The following FOXP4 variants were observed in gnomAD, a reference collection of about 807,000 sequenced individuals.
The protein encoded by FOXP4 is forkhead box P4.
Under a neutral mutation model 82.6 loss-of-function variants are expected in FOXP4, and 25 were observed. That is an observed-to-expected ratio of 0.30 (90% CI 0.22 to 0.42). The LOEUF (loss-of-function observed/expected upper bound fraction) is 0.42, where lower values mean the gene tolerates loss of function less well. FOXP4 is among the 10% of genes least tolerant of loss of function. The pLI, the probability that FOXP4 is intolerant of heterozygous loss-of-function variation, is 1.00. For synonymous variants in FOXP4, 415 were observed against 388.2 expected (o/e 1.07, Z -0.81); for missense variants, 785 against 900.9 (o/e 0.87, Z 1.65).
chr6:41,557,638 A>C (rs1764349036), intron 1 of FOXP4, among the ~76,000 whole-genome samples: 1 of 152,238 alleles, frequency 6.6e-6, no homozygotes, highest in Admixed American at 6.5e-5. Context: ...GAAAAAGACG[A>C]AAATTGAAAC....
chr6:41,584,684 C>T, intron 3 of FOXP4, 85 bp from the exon 4 acceptor site: 1 of 1,451,058 alleles, frequency 6.9e-7, no homozygotes, highest in Non-Finnish European at 9.2e-7. Context: ...GGGAGCCACT[C>T]TGCCACGCTG....
chr6:41,552,515 G>A (rs941841422), intron 1 of FOXP4, among the ~76,000 whole-genome samples: 2 of 152,192 alleles, frequency 1.3e-5, no homozygotes, highest in Non-Finnish European at 2.9e-5. Flanking sequence ...GAGAGCCAGA[G>A]CTACCTGTTT....
At chr6:41,585,057 AGGCATCTCTTATGGT>A (rs1404674385) in intron 4 of FOXP4, among the ~76,000 whole-genome samples, 166 bp downstream of exon 4, 1 of 152,134 alleles carries the variant, frequency 6.6e-6, no homozygotes, top group Non-Finnish European at 1.5e-5. Context: ...GTCAAAGGTC[AGGCATCTCTTATGGT>A]GGCCCTGCCC....
rs760306722 is a variant in FOXP4, at chr6:41,590,187, G to C, written c.1357+17G>C. ...TCTCCTCAGGTGAGGGTGGGCTGGG[G>C]GCTGCAGGGCGACAGCAGCGTGAGG... On this transcript the variant is annotated intron_variant, in intron 11 of 16. Transcript: ENST00000307972. The C allele has an allele frequency of 6.2e-7, 1 of 1,604,932 alleles. No individual in the cohort carries two copies. The highest frequency in any genetic ancestry group is 1.3e-5 in the African/African-American group (1 of 74,806).
intron 1 of FOXP4, among the ~76,000 whole-genome samples, chr6:41,562,803 GC>G (rs879811913): frequency 2.0e-5 from 3 of 152,150 alleles, no homozygotes; most frequent in Admixed American, 6.5e-5. Flanking sequence ...TGGGGGAGAG[GC>G]CCCCCTCCCT....
intron 2 of FOXP4, among the ~76,000 whole-genome samples, chr6:41,566,936 G>T (rs1764916765): frequency 6.6e-6 from 1 of 152,154 alleles, no homozygotes; most frequent in South Asian, 2.1e-4. Flanking sequence ...CTCCTCCATG[G>T]CCCTGCTGTC....
intron 2 of FOXP4, chr6:41,570,281 G>T (rs1487316905): frequency 2.1e-6 from 1 of 468,926 alleles, no homozygotes; most frequent in Non-Finnish European, 4.4e-6. Context: ...CCATGGCATG[G>T]AGGGAGAGTT....
intron 2 of FOXP4, among the ~76,000 whole-genome samples, chr6:41,575,585 G>A (rs1765435568): frequency 6.6e-6 from 1 of 152,094 alleles, no homozygotes; most frequent in Admixed American, 6.5e-5. Context: ...GGAGGGGGAG[G>A]TCTCAGGAAT....
intron 2 of FOXP4, among the ~76,000 whole-genome samples, chr6:41,574,157 GTCT>G (rs1442439370): frequency 6.6e-6 from 1 of 152,074 alleles, no homozygotes; most frequent in Non-Finnish European, 1.5e-5. Context: ...TCCTTTCTTG[GTCT>G]TCTTCCTCCA....
intron 2 of FOXP4, among the ~76,000 whole-genome samples, chr6:41,566,418 C>T (rs1764884923): frequency 6.6e-6 from 1 of 152,182 alleles, no homozygotes; most frequent in Non-Finnish European, 1.5e-5. Flanking sequence ...TCCGAGTCAG[C>T]TTGGGCCTCC....
rs992945050 is a variant in FOXP4 at position 41,597,071 on chromosome 6, A to G, written c.1659-105A>G. ...CCGCCCTGGCCTCCCGGAATAGGGA[A>G]TGGGACCCATTCCCAGCACAGGCCG... is the stretch of plus-strand genomic sequence containing the variant. On this transcript the variant is annotated intron_variant, in intron 14 of 16. Transcript: ENST00000307972. 8 of 1,186,408 alleles carry G rather than the reference A, an allele frequency of 6.7e-6. No individual in the cohort carries two copies. The African/African-American group carries it at 1.1e-4, about 16-fold the overall frequency. The allele number at this position is 1,186,408 out of a possible 1,614,324, so 73.5% of individuals were successfully genotyped here.
intron 2 of FOXP4, among the ~76,000 whole-genome samples, chr6:41,571,336 C>T (rs1000783356): frequency 6.6e-6 from 1 of 152,248 alleles, no homozygotes; most frequent in Admixed American, 6.5e-5. Flanking sequence ...GCGAAGCCTG[C>T]CTGAGTTTGA....
At chr6:41,565,303 T>C (rs1764809425) in intron 1 of FOXP4, among the ~76,000 whole-genome samples, 1 of 152,052 alleles carries the variant, frequency 6.6e-6, no homozygotes, top group Admixed American at 6.5e-5. Flanking sequence ...GAGGCTGCAG[T>C]GAGCCGAGAT....
intron 14 of FOXP4, among the ~76,000 whole-genome samples, chr6:41,595,620 GAGA>G (rs1452923365): frequency 1.3e-5 from 2 of 151,274 alleles, no homozygotes; most frequent in Admixed American, 6.6e-5. Context: ...TATTTTTTTT[GAGA>G]AGGAGTTTTG....
At chr6:41,578,651 C>T (rs1489321939) in intron 3 of FOXP4, among the ~76,000 whole-genome samples, 3 of 147,972 alleles carry the variant, frequency 2.0e-5, no homozygotes, top group Non-Finnish European at 3.0e-5. Flanking sequence ...TTTTCCCCTT[C>T]TCCCTTCCCT....
At chr6:41,585,780 CA>C in intron 5 of FOXP4, among the ~76,000 whole-genome samples, 1 of 151,886 alleles carries the variant, frequency 6.6e-6, no homozygotes, top group South Asian at 2.1e-4. Context: ...GTGTACGTGT[CA>C]CCCCCGTGTG....
chr6:41,593,917 G>A lies in FOXP4; in HGVS notation c.1537-953G>A, dbSNP rs533608936. 6.6e-6 allele frequency among the ~76,000 whole-genome samples: 1 copy of A among 152,160 alleles called. No homozygotes were observed. The highest frequency in any genetic ancestry group is 2.1e-4 in the South Asian group (1 of 4,826). ...GAGGAGACAAGGATGGGGACGAGGCGGGGGAGGCTAAGGGAGGACAGGTAA... is the reference window on the plus strand; with the variant it reads ...GAGGAGACAAGGATGGGGACGAGGCAGGGGAGGCTAAGGGAGGACAGGTAA... On this transcript the variant is annotated intron_variant, in intron 13 of 16. Transcript: ENST00000307972. The surrounding 1 kb of genome is among the most constrained non-coding windows in gnomAD (Gnocchi z 4.1).
chr6:41,588,686 C>T lies in FOXP4; in HGVS notation c.1020C>T (p.Ala340=), dbSNP rs1315510586. The T allele has an allele frequency of 6.2e-7, 1 of 1,613,932 alleles. No individual in the cohort carries two copies. The highest frequency in any genetic ancestry group is 1.3e-5 in the African/African-American group (1 of 74,918). The change falls in exon 9 of 17, where the codon GCC becomes GCT. Residue 340 remains alanine, a synonymous_variant. Transcript: ENST00000307972. Reference sequence around the variant, plus strand: ...ACGCCCTGGATGACCGGAGTACAGCCCAGTGCCGGGTACAGATGCAGGTGG... The same window carrying T: ...ACGCCCTGGATGACCGGAGTACAGCTCAGTGCCGGGTACAGATGCAGGTGG... ...TEHALDDRST[A]QCRVQMQVVQ...
intron 14 of FOXP4, 141 bp from the exon 15 acceptor site, chr6:41,597,035 C>A: frequency 1.2e-6 from 1 of 824,822 alleles, no homozygotes; most frequent in Non-Finnish European, 2.0e-6. Context: ...AGCTCCAAGA[C>A]AGCGGCTGAT....
Sources: gnomAD v4.1 joint callset for allele counts (sites outside exome capture counted in the v4.1 genomes callset) on GRCh38, gnomAD v4.1.1 for gene constraint, Gnocchi (gnomAD v3.1) non-coding constraint, MANE v1.5 for transcripts, NCBI Gene and HGNC (gene_info 2026-07-23, HGNC 2026-07-21) for gene names.